The following VTN variants were observed in gnomAD, a reference collection of about 807,000 sequenced individuals.
VTN encodes the protein complement S-protein.
VTN carries 45 observed loss-of-function variants against 55.9 expected under a neutral mutation model. That is an observed-to-expected ratio of 0.80 (90% confidence interval 0.63 to 1.03). The LOEUF is 1.03. Among genes scored for constraint, VTN ranks in the 50% least tolerant of loss-of-function variants. VTN has a pLI of 0.00. For synonymous variants in VTN, 238 were observed against 242.3 expected (o/e 0.98, Z 0.17); for missense variants, 589 against 638.2 (o/e 0.92, Z 0.83).
Position 28,369,507 on chromosome 17 carries a change from C to A in VTN, c.529G>T (p.Gly177Trp). 1 of 1,602,614 alleles carries A rather than the reference C, an allele frequency of 6.2e-7. No homozygotes were observed. The change falls in exon 3 of 8, where the codon GGG becomes TGG. Residue 177 changes from glycine (G) to tryptophan (W), a missense_variant and splice_region_variant. By Grantham distance (184) the Gly-to-Trp change is radical. Around this residue, in one of 3 missense-constraint regions of VTN, gnomAD observed 217 missense variants for 241.3 expected, o/e 0.90. Transcript: ENST00000226218. The surrounding 1 kb of genome is among the most constrained non-coding windows in gnomAD (Gnocchi z 5.3). ...LKNGSLFAFR[G>W]QYCYELDEKA... Reference sequence around the variant, plus strand: ...TCCCCAGTACCTGCCCTGGATTCACCTCGGAAGGCAAAGAGGGAACCGTTC... The same window carrying A: ...TCCCCAGTACCTGCCCTGGATTCACATCGGAAGGCAAAGAGGGAACCGTTC...
Position 28,369,671 on chromosome 17 carries a change from G to A in VTN, c.365C>T (p.Ala122Val). Reference sequence around the variant, plus strand: ...AGAGGCGCCCACCTCAGGCGCAGGGGCCTCTTCCTCAGGTTTCAGAACAGG... The same window carrying A: ...AGAGGCGCCCACCTCAGGCGCAGGGACCTCTTCCTCAGGTTTCAGAACAGG... ...QTPVLKPEEEAPAPEVGASKP... is the reference protein window; with the variant it reads ...QTPVLKPEEEVPAPEVGASKP... Residue 122 changes from alanine to valine, a missense_variant, in exon 3 of 8, where the codon GCC becomes GTC. Around this residue, in one of 3 missense-constraint regions of VTN, gnomAD observed 217 missense variants for 241.3 expected, o/e 0.90. Coordinates refer to ENST00000226218, the MANE Select transcript of VTN (RefSeq NM_000638.4). This position sits in a 1 kb window ranked among gnomAD's most constrained non-coding sequence, Gnocchi z 5.3. 1 of 1,613,770 alleles carries A rather than the reference G, an allele frequency of 6.2e-7. No homozygotes were observed. The highest frequency in any genetic ancestry group is 8.5e-7 in the Non-Finnish European group (1 of 1,179,998).
Position 28,369,107 on chromosome 17 carries a change from C to T in VTN, c.670-79G>A. The T allele has an allele frequency of 6.6e-7, 1 of 1,518,298 alleles. No individual in the cohort carries two copies. The highest frequency in any genetic ancestry group is 8.8e-7 in the Non-Finnish European group (1 of 1,136,036). The allele number at this position is 1,518,298 out of a possible 1,614,324, so 94.1% of individuals were successfully genotyped here. ...GGCAGAGTCCCTTGCCCTAAGGCAG[C>T]CGTTCCCAGGTCCAGGTTCACTGCC... On this transcript the variant is annotated intron_variant, in intron 4 of 7. Transcript: ENST00000226218. This position sits in a 1 kb window ranked among gnomAD's most constrained non-coding sequence, Gnocchi z 5.3.
chr17:28,368,440 C>A lies in VTN; in HGVS notation c.979+81G>T, dbSNP rs535644560. On this transcript the variant is annotated intron_variant, in intron 6 of 7. Transcript: ENST00000226218. ...ATCGATAGCTCCACAACCACAGCCC[C>A]CTCCAGCCGGCCTGGCTCTACCAAT... 74 of 1,563,970 alleles carry A rather than the reference C, an allele frequency of 4.7e-5. No homozygotes were observed. The East Asian group carries it at 1.2e-3, about 26-fold the overall frequency.
rs2067915846 is a variant in VTN at position 28,367,699 on chromosome 17, T to C, written c.1324+16A>G. The C allele has an allele frequency of 6.2e-7, 1 of 1,601,394 alleles. No individual in the cohort carries two copies. The highest frequency in any genetic ancestry group is 8.5e-7 in the Non-Finnish European group (1 of 1,171,838). On this transcript the variant is annotated intron_variant, in intron 7 of 7. Transcript: ENST00000226218. ...ACCCAAGCTAGACCAGCTTCAGGGG[T>C]GGCAGCGGCTCCTACCTCCAGAGAA...
At position 28,370,018 on chromosome 17, in the gene VTN, G is replaced by T; in HGVS notation, c.93C>A (p.Gly31=). 6.2e-7 allele frequency: 1 copy of T among 1,614,134 alleles called. No individual in the cohort carries two copies. Among genetic ancestry groups the T allele is most frequent in the Non-Finnish European group, 8.5e-7 (1 of 1,180,028 alleles). ...QESCKGRCTE[G]FNVDKKCQCD... is the part of the protein sequence containing the mutation. ...ACTGGCACTTCTTGTCCACGTTGAAGCCCTCAGTGCAGCGGCCCTTGCATG... is the reference window on the plus strand; with the variant it reads ...ACTGGCACTTCTTGTCCACGTTGAATCCCTCAGTGCAGCGGCCCTTGCATG... Residue 31 remains glycine, a synonymous_variant, in exon 2 of 8, where the codon GGC becomes GGA. Coordinates refer to ENST00000226218, the MANE Select transcript of VTN (RefSeq NM_000638.4).
In VTN at chr17:28,369,480, C is replaced by T. The variant is rs2067934659; in HGVS notation, c.529+27G>A. ...CAGGGACGCTCCTGGGGCAGACCCG[C>T]ATCCCCAGTACCTGCCCTGGATTCA... On this transcript the variant is annotated intron_variant, in intron 3 of 7. Coordinates refer to ENST00000226218, the MANE Select transcript of VTN (RefSeq NM_000638.4). The surrounding 1 kb of genome is among the most constrained non-coding windows in gnomAD (Gnocchi z 5.3). 1 of 1,593,188 alleles carries T rather than the reference C, an allele frequency of 6.3e-7. No individual in the cohort carries two copies. The highest frequency in any genetic ancestry group is 8.5e-7 in the Non-Finnish European group (1 of 1,169,784).
Position 28,369,947 on chromosome 17 carries a change from G to A in VTN, c.164C>T (p.Thr55Met), listed in dbSNP as rs147146251. 83 of 1,614,040 alleles carry A rather than the reference G, an allele frequency of 5.1e-5. 1 individual carries two copies. The African/African-American group carries it at 5.7e-4, about 11-fold the overall frequency. Residue 55 changes from threonine to methionine, a missense_variant, in exon 2 of 8, where the codon ACG (threonine) becomes ATG (methionine). Thr to Met is a moderately conservative substitution (Grantham distance 81). Coordinates refer to ENST00000226218, the MANE Select transcript of VTN (RefSeq NM_000638.4). The surrounding 1 kb of genome is among the most constrained non-coding windows in gnomAD (Gnocchi z 5.3). ...SYYQSCCTDYTAECKPQVTRG... is the reference protein window; with the variant it reads ...SYYQSCCTDYMAECKPQVTRG... Reference sequence around the variant, plus strand: ...CACACCTTGGGGCTTGCACTCAGCCGTATAGTCTGTGCAGCAGCTCTGGTA... The same window carrying A: ...CACACCTTGGGGCTTGCACTCAGCCATATAGTCTGTGCAGCAGCTCTGGTA...
rs782399695 is a variant in VTN at position 28,367,929 on chromosome 17, C to T, written c.1110G>A (p.Arg370=). The T allele has an allele frequency of 5.6e-6, 9 of 1,609,454 alleles. No individual in the cohort carries two copies. The South Asian group carries it at 8.8e-5, about 16-fold the overall frequency. ...APRPSLAKKQ[R]FRHRNRKGYR... The stretch of plus-strand genomic sequence containing the variant: ...AGCCTTTGCGGTTGCGATGCCTAAA[C>T]CTTTGTTTCTTGGCCAAGGAGGGGC... Residue 370 remains arginine (R), a synonymous_variant, in exon 7 of 8, where the codon AGG becomes AGA. Transcript: ENST00000226218.
At chr17:28,368,470 A>C (rs2067925393) in intron 6 of VTN, 51 bp downstream of exon 6, 1 of 1,604,196 alleles carries the variant, frequency 6.2e-7, no homozygotes, top group African/African-American at 1.3e-5. Flanking sequence ...ACCAATACCA[A>C]GGGGTTTCAG....
chr17:28,369,092 C>T lies in VTN; in HGVS notation c.670-64G>A, dbSNP rs1177657751. ...CTGGCTGGGCACAGAGGCAGAGTCC[C>T]TTGCCCTAAGGCAGCCGTTCCCAGG... On this transcript the variant is annotated intron_variant, in intron 4 of 7. Coordinates refer to ENST00000226218, the MANE Select transcript of VTN (RefSeq NM_000638.4). The surrounding 1 kb of genome is among the most constrained non-coding windows in gnomAD (Gnocchi z 5.3). 7.2e-6 allele frequency: 11 copies of T among 1,530,466 alleles called. No individual in the cohort carries two copies. In the African/African-American group the frequency reaches 1.3e-4, roughly 17 times the overall value. 94.8% of individuals were successfully genotyped at this position (1,530,466 alleles called of 1,614,324 possible).
In VTN at chr17:28,370,037, T is replaced by G; in HGVS notation, c.74A>C (p.Lys25Thr). 1 of 1,614,096 alleles carries G rather than the reference T, an allele frequency of 6.2e-7. No homozygotes were observed. Reference protein sequence around the residue: ...WVALADQESCKGRCTEGFNVD... With the variant: ...WVALADQESCTGRCTEGFNVD... ...GTTGAAGCCCTCAGTGCAGCGGCCCTTGCATGACTCTATGAGGAAGGAGTG... is the reference window on the plus strand; with the variant it reads ...GTTGAAGCCCTCAGTGCAGCGGCCCGTGCATGACTCTATGAGGAAGGAGTG... Residue 25 changes from lysine (K) to threonine (T), a missense_variant, in exon 2 of 8, where the codon AAG becomes ACG. Lys to Thr is a moderately conservative substitution (Grantham distance 78). Coordinates refer to ENST00000226218, the MANE Select transcript of VTN (RefSeq NM_000638.4).
rs782268632 is a variant in VTN, at chr17:28,369,012, C to T, written c.686G>A (p.Arg229His). Residue 229 changes from arginine to histidine, a missense_variant, in exon 5 of 8, where the codon CGC becomes CAC. Transcript: ENST00000226218. This position sits in a 1 kb window ranked among gnomAD's most constrained non-coding sequence, Gnocchi z 5.3. ...TYLFKGSQYW[R>H]FEDGVLDPDY... ...AGGGTCCAGGACACCATCCTCAAAGCGCCAGTACTGACTACCCTAAGAGGT... is the reference window on the plus strand; with the variant it reads ...AGGGTCCAGGACACCATCCTCAAAGTGCCAGTACTGACTACCCTAAGAGGT... 8.8e-6 allele frequency: 14 copies of T among 1,592,648 alleles called. No individual in the cohort carries two copies. The highest frequency in any genetic ancestry group is 6.8e-5 in the African/African-American group (5 of 73,206).
rs782767017 is a variant in VTN at position 28,368,503 on chromosome 17, C to T, written c.979+18G>A. 3.7e-6 allele frequency: 6 copies of T among 1,612,840 alleles called. No individual in the cohort carries two copies. Among genetic ancestry groups the T allele is most frequent in the South Asian group, 1.1e-5 (1 of 91,072 alleles). On this transcript the variant is annotated intron_variant, in intron 6 of 7. Transcript: ENST00000226218. ...CAGCCCTTTTGAGGGAGAAGCAAGA[C>T]TTGCCCTCTCTCCATACCAGAGGTT...
chr17:28,368,131 G>A (rs943425254), intron 6 of VTN, 72 bp from the exon 7 acceptor site: 9 of 1,342,246 alleles, frequency 6.7e-6, no homozygotes, highest in Non-Finnish European at 9.1e-6. Context: ...GGCCATTAGA[G>A]TTCATCTGCT....
At position 28,369,402 on chromosome 17, in the gene VTN, T is replaced by A; in HGVS notation, c.556A>T (p.Lys186Ter). The A allele has an allele frequency of 6.2e-7, 1 of 1,601,418 alleles. No individual in the cohort carries two copies. Among genetic ancestry groups the A allele is most frequent in the Non-Finnish European group, 8.5e-7 (1 of 1,170,740 alleles). The change falls in exon 4 of 8, where the codon AAG (lysine) becomes TAG (stop). Residue 186 changes from lysine (K) to a stop codon, truncating the protein, a stop_gained. Coordinates refer to ENST00000226218, the MANE Select transcript of VTN (RefSeq NM_000638.4). LOFTEE classifies it high-confidence loss of function. The surrounding 1 kb of genome is among the most constrained non-coding windows in gnomAD (Gnocchi z 5.3). ...TTGGGGTACCCAGGCCTCACTGCCT[T>A]TTCGTCCAGTTCATAGCAGTACTGC... Reference protein sequence around the residue: ...RGQYCYELDEKAVRPGYPKLI... With the variant: ...RGQYCYELDE
chr17:28,369,758 A>G lies in VTN; in HGVS notation c.278T>C (p.Val93Ala). 3 of 1,613,886 alleles carry G rather than the reference A, an allele frequency of 1.9e-6. No individual in the cohort carries two copies. The highest frequency in any genetic ancestry group is 2.5e-6 in the Non-Finnish European group (3 of 1,179,958). The change falls in exon 3 of 8, where the codon GTG becomes GCG. Residue 93 changes from valine to alanine, a missense_variant. Around this residue, in one of 3 missense-constraint regions of VTN, gnomAD observed 217 missense variants for 241.3 expected, o/e 0.90. Transcript: ENST00000226218. This position sits in a 1 kb window ranked among gnomAD's most constrained non-coding sequence, Gnocchi z 5.3. ...GTCAGAGGTCAGGGAGGGGCCCCCC[A>G]CCTGTTCATGGACAGTGGCATTGTT... ...EKNNATVHEQ[V>A]GGPSLTSDLQ...
Position 28,367,946 on chromosome 17 carries a change from A to C in VTN, c.1093T>G (p.Leu365Val), listed in dbSNP as rs782234572. Residue 365 changes from leucine (L) to valine (V), a missense_variant, in exon 7 of 8, where the codon TTG becomes GTG. Leu to Val is a conservative substitution (Grantham distance 32, BLOSUM62 1). Transcript: ENST00000226218. ...TGCCTAAACCTTTGTTTCTTGGCCA[A>C]GGAGGGGCGGGGTGCCATGCCTGAG... The part of the protein sequence containing the change: ...YISGMAPRPS[L>V]AKKQRFRHRN... 2.5e-6 allele frequency: 4 copies of C among 1,604,558 alleles called. No homozygotes were observed. The African/African-American group carries it at 5.3e-5, about 21-fold the overall frequency.
Position 28,369,698 on chromosome 17 carries a change from G to A in VTN, c.338C>T (p.Thr113Ile). ...QAQSKGNPEQTPVLKPEEEAP... is the reference protein window; with the variant it reads ...QAQSKGNPEQIPVLKPEEEAP... ...CTCTTCCTCAGGTTTCAGAACAGGT[G>A]TCTGCTCAGGATTCCCTTTGGACTG... The change falls in exon 3 of 8, where the codon ACA becomes ATA. Residue 113 changes from threonine (T) to isoleucine (I), a missense_variant. This residue lies in a region of VTN where 217 missense variants were observed against 241.3 expected (regional missense o/e 0.90). Transcript: ENST00000226218. The surrounding 1 kb of genome is among the most constrained non-coding windows in gnomAD (Gnocchi z 5.3). The A allele has an allele frequency of 6.2e-7, 1 of 1,613,874 alleles. No individual in the cohort carries two copies. Among genetic ancestry groups the A allele is most frequent in the East Asian group, 2.2e-5 (1 of 44,874 alleles).
chr17:28,369,664 C>G lies in VTN; in HGVS notation c.372G>C (p.Ala124=). ...PVLKPEEEAP[A]PEVGASKPEG... is the part of the protein sequence containing the mutation. ...CAGGCTTAGAGGCGCCCACCTCAGG[C>G]GCAGGGGCCTCTTCCTCAGGTTTCA... Residue 124 remains alanine, a synonymous_variant, in exon 3 of 8, where the codon GCG becomes GCC. Transcript: ENST00000226218. This position sits in a 1 kb window ranked among gnomAD's most constrained non-coding sequence, Gnocchi z 5.3. The G allele has an allele frequency of 6.2e-7, 1 of 1,613,752 alleles. No individual in the cohort carries two copies. Among genetic ancestry groups the G allele is most frequent in the Non-Finnish European group, 8.5e-7 (1 of 1,179,994 alleles).
Sources: gnomAD v4.1 joint callset for allele counts on GRCh38, gnomAD v4.1.1 for gene constraint, gnomAD v4.1.1 regional missense constraint, Gnocchi (gnomAD v3.1) non-coding constraint, MANE v1.5 for transcripts, NCBI Gene and HGNC (gene_info 2026-07-23, HGNC 2026-07-21) for gene names.